SYTL5: variants seen among roughly 807,000 people sequenced by gnomAD.
The protein encoded by SYTL5 is synaptotagmin like 5.
A neutral mutation model predicts 55.9 loss-of-function variants in SYTL5; 34 were observed. That is an observed-to-expected ratio of 0.61 (90% CI 0.46 to 0.81). The LOEUF is 0.81. SYTL5 is among the 30% of genes least tolerant of loss of function. The pLI is 0.00. For synonymous variants in SYTL5, 221 were observed against 188.7 expected (o/e 1.17, Z -1.40); for missense variants, 637 against 546.7 (o/e 1.17, Z -1.65).
At chrX:38,122,030 A>ATT in intron 14 of SYTL5, 50 bp from the exon 15 acceptor site, 4 of 1,054,675 alleles carry the variant, frequency 3.8e-6, no homozygotes, top group Admixed American at 3.1e-5. Context: ...TGATTTATCT[A>ATT]TTTTTTTTTC....
upstream of SYTL5, among the ~76,000 whole-genome samples, chrX:38,003,698 AC>A (rs1406579723): frequency 8.9e-6 from 1 of 111,832 alleles, no homozygotes; most frequent in Non-Finnish European, 1.9e-5. Flanking sequence ...GCTACCAATG[AC>A]TTTCTTCACA....
At chrX:37,963,917 A>G in the SYTL5 span, among the ~76,000 whole-genome samples, 3 of 111,677 alleles carry the variant, frequency 2.7e-5, no homozygotes, top group South Asian at 7.5e-4. Flanking sequence ...GAGTGTTTTT[A>G]TCATGATATG....
intron 1 of SYTL5, among the ~76,000 whole-genome samples, chrX:38,018,527 G>A (rs1934435595): frequency 9.0e-6 from 1 of 110,647 alleles, no homozygotes. Context: ...ATAAGTATCC[G>A]GACCTCAACA....
At chrX:38,109,878 C>T (rs925591854) in intron 12 of SYTL5, among the ~76,000 whole-genome samples, 6 of 111,356 alleles carry the variant, frequency 5.4e-5, no homozygotes, top group Non-Finnish European at 9.4e-5. Flanking sequence ...TTGGTGTTTG[C>T]GAGTTTCTCA....
chrX:38,010,764 G>A (rs1934150879), intron 1 of SYTL5, among the ~76,000 whole-genome samples: 1 of 111,692 alleles, frequency 9.0e-6, no homozygotes, highest in Non-Finnish European at 1.9e-5. Flanking sequence ...TGCCCAAAGT[G>A]TGTATTTTTA....
intron 1 of SYTL5, among the ~76,000 whole-genome samples, chrX:38,017,824 A>C (rs757034249): frequency 1.1e-3 from 124 of 109,552 alleles, no homozygotes; most frequent in Non-Finnish European, 2.2e-3. Context: ...TAAAGACATA[A>C]GTGATTTACT....
intron 2 of SYTL5, among the ~76,000 whole-genome samples, chrX:38,039,726 C>T (rs145448637): frequency 8.9e-5 from 10 of 111,908 alleles, no homozygotes; most frequent in Non-Finnish European, 1.9e-4. Context: ...TTTTCTTTGG[C>T]ACCTAATCTT....
chrX:38,117,961 C>A (rs73467498), intron 13 of SYTL5, among the ~76,000 whole-genome samples: 1,883 of 111,792 alleles, frequency 0.017, 14 homozygotes, highest in Middle Eastern at 0.041. Flanking sequence ...AGAGCCCACA[C>A]AGACCCAAAG....
chrX:38,091,601 G>A (rs975326510), intron 7 of SYTL5, among the ~76,000 whole-genome samples: 3 of 111,505 alleles, frequency 2.7e-5, no homozygotes, highest in African/African-American at 9.8e-5. Context: ...ATGAGAGGGA[G>A]CACAGGGAAG....
At chrX:37,986,438 A>T in the SYTL5 span, among the ~76,000 whole-genome samples, 1 of 112,059 alleles carries the variant, frequency 8.9e-6, no homozygotes, top group Non-Finnish European at 1.9e-5. Flanking sequence ...GGATTTTCAC[A>T]GTGCTTTTCT....
intron 2 of SYTL5, among the ~76,000 whole-genome samples, chrX:38,037,171 C>T (rs971251420): frequency 3.6e-5 from 4 of 111,944 alleles, no homozygotes; most frequent in Admixed American, 9.5e-5. Context: ...CAATGGTTGA[C>T]GGGTACAGAA....
chrX:38,033,874 C>T lies in SYTL5; in HGVS notation c.-16C>T. The T allele has an allele frequency of 9.9e-7, 1 of 1,014,810 alleles. No homozygotes were observed. Among genetic ancestry groups the T allele is most frequent in the Non-Finnish European group, 1.4e-6 (1 of 724,854 alleles). The allele number at this position is 1,014,810 out of a possible 1,213,427, so 83.6% of individuals were successfully genotyped here. A position where few individuals can be genotyped will look rare whatever the true frequency, so the allele number is the denominator to read the frequency against. ...AAGATTCAACCACTGCTACTCAGAG[C>T]TGCTGCTGAAATACCATGTCTAAGA... On this transcript the variant is annotated 5_prime_UTR_variant, in exon 2 of 17. Transcript: ENST00000297875.
At chrX:37,906,669 G>A in the SYTL5 span, 1 of 112,434 alleles carries the variant, frequency 8.9e-6, no homozygotes, top group Non-Finnish European at 1.9e-5. Flanking sequence ...ATGTTCCGGA[G>A]GCACAATTAA....
At chrX:37,979,997 C>T in the SYTL5 span, among the ~76,000 whole-genome samples, 4 of 109,932 alleles carry the variant, frequency 3.6e-5, no homozygotes, top group Admixed American at 3.9e-4. Flanking sequence ...GTTATATTCC[C>T]CTTCCTGTGT....
chrX:37,954,982 T>A, the SYTL5 span, among the ~76,000 whole-genome samples: 1 of 111,053 alleles, frequency 9.0e-6, no homozygotes, highest in Non-Finnish European at 1.9e-5. Flanking sequence ...TTCTTAGAGG[T>A]CATTGCAACA....
chrX:38,115,470 C>T (rs1186703262), intron 13 of SYTL5, among the ~76,000 whole-genome samples: 1 of 69,576 alleles, frequency 1.4e-5, no homozygotes, highest in South Asian at 8.2e-4. Flanking sequence ...GGCGACAGAG[C>T]GAGACTCCGT....
chrX:38,045,275 T>A (rs1569166453), intron 2 of SYTL5, among the ~76,000 whole-genome samples: 1 of 112,278 alleles, frequency 8.9e-6, no homozygotes, highest in African/African-American at 3.2e-5. Context: ...CTTGAGTCAT[T>A]GTCCCTTTGC....
chrX:38,020,615 G>A (rs1006057051), intron 1 of SYTL5, among the ~76,000 whole-genome samples: 1 of 108,109 alleles, frequency 9.2e-6, no homozygotes, highest in Non-Finnish European at 1.9e-5. Flanking sequence ...CTAAGGAATT[G>A]CTAAGATTTA....
At chrX:38,054,573 A>T in intron 3 of SYTL5, 151 bp downstream of exon 3, 20 of 373,934 alleles carry the variant, frequency 5.3e-5, no homozygotes, top group Non-Finnish European at 6.5e-5. Context: ...ATGCCTTGGC[A>T]GGGCTCTGGG....
Sources: allele counts gnomAD v4.1 joint callset (sites outside exome capture counted in the v4.1 genomes callset), GRCh38; gene constraint gnomAD v4.1.1; transcripts MANE v1.5; gene names NCBI Gene and HGNC (gene_info 2026-07-23, HGNC 2026-07-21).